BABAM2: variants seen among roughly 807,000 people sequenced by gnomAD.
The protein encoded by BABAM2 is BRISC and BRCA1-A complex member 2.
BABAM2 carries 31 observed loss-of-function variants against 54.7 expected under a neutral mutation model. That is an observed-to-expected ratio of 0.57 (90% confidence interval 0.43 to 0.77). The LOEUF (loss-of-function observed/expected upper bound fraction) is 0.77, where lower values mean the gene tolerates loss of function less well. Among genes scored for constraint, BABAM2 ranks in the 30% least tolerant of loss-of-function variants. The pLI is 0.00. For synonymous variants in BABAM2, 167 were observed against 162.9 expected, an observed-to-expected ratio of 1.03 and a Z score of -0.19; for missense variants, 364 against 455.8, an observed-to-expected ratio of 0.80 and a Z score of 1.83.
rs1051985198 is a variant in BABAM2 at position 28,219,347 on chromosome 2, A to C, written c.681-17855A>C. 2.6e-5 allele frequency among the ~76,000 whole-genome samples: 4 copies of C among 152,272 alleles called. No homozygotes were observed. In the South Asian group the frequency reaches 8.3e-4, roughly 32 times the overall value. ...CAAGTCCAGTCCCTCTCATGCTTCA[A>C]GTTTTTCCTGCCTCTTCTTCTGTCA... On this transcript the variant is annotated intron_variant, in intron 7 of 11. Transcript: ENST00000379624.
intron 7 of BABAM2, among the ~76,000 whole-genome samples, chr2:28,147,558 C>T (rs1214219389): frequency 6.6e-6 from 1 of 151,820 alleles, no homozygotes; most frequent in African/African-American, 2.4e-5. Context: ...ACTGCAAGCT[C>T]TGCCTCCCAG....
intron 7 of BABAM2, among the ~76,000 whole-genome samples, chr2:28,131,831 T>A (rs1472895589): frequency 6.6e-6 from 1 of 152,114 alleles, no homozygotes; most frequent in African/African-American, 2.4e-5. Flanking sequence ...TGAGTTAAAT[T>A]ACAAAGGTGC....
chr2:28,074,705 T>C (rs1664494254), intron 6 of BABAM2, among the ~76,000 whole-genome samples: 1 of 152,074 alleles, frequency 6.6e-6, no homozygotes, highest in African/African-American at 2.4e-5. Context: ...TGGCATTAGT[T>C]GGGGTGAGGG....
chr2:28,016,561 C>G (rs1192561805), intron 4 of BABAM2: 2 of 590,508 alleles, frequency 3.4e-6, no homozygotes, highest in Non-Finnish European at 6.2e-6. Context: ...GCCGCAGGTG[C>G]ATTTCTTTCT....
intron 11 of BABAM2, among the ~76,000 whole-genome samples, chr2:28,315,034 G>GA (rs1558524281): frequency 1.7e-4 from 16 of 95,054 alleles, no homozygotes; most frequent in African/African-American, 4.4e-4. Flanking sequence ...GAGAGAGAGA[G>GA]AAGAAAGAAA....
chr2:28,205,602 A>G lies in BABAM2; in HGVS notation c.681-31600A>G, dbSNP rs185521938. Among the ~76,000 whole-genome samples, 32 of 152,300 alleles carry G rather than the reference A, an allele frequency of 2.1e-4. No homozygotes were observed. In the Middle Eastern group the frequency reaches 0.024, roughly 113 times the overall value. On this transcript the variant is annotated intron_variant, in intron 7 of 11. Coordinates refer to ENST00000379624, the MANE Select transcript of BABAM2 (RefSeq NM_199191.3). Reference sequence around the variant, plus strand: ...GATTAACTTGCCCAAGTTCCTTACAATGTATGTCTGATACCAGAGCCCACC... The same window carrying G: ...GATTAACTTGCCCAAGTTCCTTACAGTGTATGTCTGATACCAGAGCCCACC...
At chr2:28,163,312 C>A (rs1254355754) in intron 7 of BABAM2, among the ~76,000 whole-genome samples, 1 of 152,136 alleles carries the variant, frequency 6.6e-6, no homozygotes, top group Non-Finnish European at 1.5e-5. Flanking sequence ...TTCTTAACAG[C>A]CCCAACTGGC....
At chr2:28,192,199 T>C (rs1676988097) in intron 7 of BABAM2, among the ~76,000 whole-genome samples, 1 of 151,968 alleles carries the variant, frequency 6.6e-6, no homozygotes, top group Non-Finnish European at 1.5e-5. Flanking sequence ...CACGCCCAGC[T>C]AATTTTTTGT....
chr2:28,049,581 A>C (rs1677852700), intron 6 of BABAM2, among the ~76,000 whole-genome samples: 1 of 152,234 alleles, frequency 6.6e-6, no homozygotes, highest in African/African-American at 2.4e-5. Flanking sequence ...AATCTGAATC[A>C]TGACACTACA....
At chr2:28,040,198 TAA>T (rs1255804372) in intron 5 of BABAM2, among the ~76,000 whole-genome samples, 1 of 151,994 alleles carries the variant, frequency 6.6e-6, no homozygotes, top group Non-Finnish European at 1.5e-5. Context: ...AATTTTACAT[TAA>T]GATTGTTTTA....
At position 27,967,266 on chromosome 2, in the gene BABAM2, G is replaced by A. The variant is rs74919716; in HGVS notation, c.206-20727G>A. Among the ~76,000 whole-genome samples, 1,445 of 152,286 alleles carry A rather than the reference G, an allele frequency of 9.5e-3. 15 individuals are homozygous for A. The highest frequency in any genetic ancestry group is 0.016 in the Non-Finnish European group (1,116 of 68,016). On this transcript the variant is annotated intron_variant, in intron 3 of 11. Coordinates refer to ENST00000379624, the MANE Select transcript of BABAM2 (RefSeq NM_199191.3). ...GGAGGTAATTGAATCATGGGGGTATGTCTTTGCCATGCTGTTCTCGTGATG... is the reference window on the plus strand; with the variant it reads ...GGAGGTAATTGAATCATGGGGGTATATCTTTGCCATGCTGTTCTCGTGATG...
chr2:27,999,326 C>T (rs1316627706), intron 4 of BABAM2, among the ~76,000 whole-genome samples: 1 of 151,832 alleles, frequency 6.6e-6, no homozygotes, highest in Admixed American at 6.6e-5. Flanking sequence ...ACTCTTCAAG[C>T]AGGAGTAGGA....
chr2:28,197,974 G>C (rs2147943328), intron 7 of BABAM2, among the ~76,000 whole-genome samples: 1 of 152,246 alleles, frequency 6.6e-6, no homozygotes, highest in African/African-American at 2.4e-5. Context: ...CCAAGGTTTT[G>C]TCCAAGGCGG....
At chr2:28,309,922 C>T in intron 11 of BABAM2, 1 of 676,982 alleles carries the variant, frequency 1.5e-6, no homozygotes, top group Non-Finnish European at 2.5e-6. Context: ...TTCCATTCCG[C>T]ACGAGCAAGC....
In BABAM2 at chr2:28,085,368, A is replaced by G. The variant is rs146606317; in HGVS notation, c.570+39569A>G. On this transcript the variant is annotated intron_variant, in intron 6 of 11. Transcript: ENST00000379624. ...TTGCACAATGAATGGTACATTATAAATGTATTCTGCAGGAATGATTTATGC... is the reference window on the plus strand; with the variant it reads ...TTGCACAATGAATGGTACATTATAAGTGTATTCTGCAGGAATGATTTATGC... 1.1e-4 allele frequency among the ~76,000 whole-genome samples: 16 copies of G among 152,352 alleles called. No homozygotes were observed. The East Asian group carries it at 3.1e-3, about 29-fold the overall frequency.
intron 10 of BABAM2, among the ~76,000 whole-genome samples, chr2:28,251,323 A>G (rs1430517435): frequency 2.0e-5 from 3 of 152,158 alleles, no homozygotes; most frequent in Non-Finnish European, 4.4e-5. Context: ...TTCTTTCCTT[A>G]TAGGCCTGTA....
At position 28,012,141 on chromosome 2, in the gene BABAM2, T is replaced by C. The variant is rs188284405; in HGVS notation, c.301-13085T>C. 2.5e-3 allele frequency among the ~76,000 whole-genome samples: 388 copies of C among 152,348 alleles called. 1 individual carries two copies. Among genetic ancestry groups the C allele is most frequent in the African/African-American group, 8.8e-3 (367 of 41,574 alleles). On this transcript the variant is annotated intron_variant, in intron 4 of 11. Transcript: ENST00000379624. Reference sequence around the variant, plus strand: ...AAAATAAGCTCACACTGTTGTTTCTTGTAGTACAGCCAGGAAAAACAGTAA... The same window carrying C: ...AAAATAAGCTCACACTGTTGTTTCTCGTAGTACAGCCAGGAAAAACAGTAA...
At chr2:27,939,409 T>C (rs974350782) in intron 3 of BABAM2, among the ~76,000 whole-genome samples, 18 of 152,248 alleles carry the variant, frequency 1.2e-4, no homozygotes, top group South Asian at 2.1e-4. Flanking sequence ...AGTAAAGATA[T>C]TCAATTAAAT....
intron 9 of BABAM2, among the ~76,000 whole-genome samples, chr2:28,243,530 T>C (rs1301029369): frequency 1.3e-5 from 2 of 149,382 alleles, no homozygotes; most frequent in Non-Finnish European, 3.0e-5. Flanking sequence ...AGACTCCATC[T>C]CAAAAAAATT....
Sources: gnomAD v4.1 joint callset for allele counts (sites outside exome capture counted in the v4.1 genomes callset) on GRCh38, gnomAD v4.1.1 for gene constraint, MANE v1.5 for transcripts, NCBI Gene and HGNC (gene_info 2026-07-23, HGNC 2026-07-21) for gene names.